Variants in MYO16 observed in about 807,000 individuals in gnomAD.
The protein encoded by MYO16 is myosin XVI, also known as unconventional myosin-XVI.
In MYO16, 94 loss-of-function variants were observed where a neutral mutation model predicts 205.3. That is an observed-to-expected ratio of 0.46 (90% CI 0.39 to 0.54). The LOEUF (loss-of-function observed/expected upper bound fraction) is 0.54. MYO16 is among the 20% of genes least tolerant of loss of function. The probability of loss-of-function intolerance (pLI) is 0.00; values close to 1 mark genes in which losing one functional copy is unlikely to be tolerated. For synonymous variants in MYO16, 988 were observed against 954.0 expected, an observed-to-expected ratio of 1.04 and a Z score of -0.66; for missense variants, 2,315 against 2,387.5, an observed-to-expected ratio of 0.97 and a Z score of 0.63.
intron 23 of MYO16, among the ~76,000 whole-genome samples, chr13:109,022,408 T>TAC (rs1245809782): frequency 3.2e-5 from 4 of 126,838 alleles, no homozygotes; most frequent in Non-Finnish European, 6.2e-5. Flanking sequence ...TATATATGTA[T>TAC]ATATTGTATA....
At chr13:108,549,783 A>G in the MYO16 span, among the ~76,000 whole-genome samples, 270 of 152,348 alleles carry the variant, frequency 1.8e-3, 4 homozygotes, top group South Asian at 9.3e-3. Context: ...ATAAATACCC[A>G]GCTCCTCCTG....
chr13:108,683,967 C>T (rs1882569689), intron 2 of MYO16, among the ~76,000 whole-genome samples: 1 of 152,180 alleles, frequency 6.6e-6, no homozygotes, highest in African/African-American at 2.4e-5. Flanking sequence ...CCTCCGCCTC[C>T]CGGGTTTAAG....
intron 16 of MYO16, among the ~76,000 whole-genome samples, chr13:108,922,026 A>G (rs1399843793): frequency 6.6e-6 from 1 of 152,202 alleles, no homozygotes; most frequent in Non-Finnish European, 1.5e-5. Context: ...TTAGAGGTTT[A>G]TAATACGTGG....
chr13:108,929,333 G>A (rs1353551447), intron 16 of MYO16, among the ~76,000 whole-genome samples: 1 of 152,172 alleles, frequency 6.6e-6, no homozygotes, highest in Admixed American at 6.5e-5. Flanking sequence ...CAATACATAT[G>A]TGGAAAGATG....
At chr13:108,742,371 C>T (rs752243441) in intron 4 of MYO16, among the ~76,000 whole-genome samples, 5 of 152,036 alleles carry the variant, frequency 3.3e-5, no homozygotes, top group Admixed American at 6.6e-5. Flanking sequence ...AATGTTTTGG[C>T]TCCCCCAAAA....
At chr13:109,011,624 C>T (rs1160464424) in intron 22 of MYO16, among the ~76,000 whole-genome samples, 2 of 151,950 alleles carry the variant, frequency 1.3e-5, no homozygotes, top group African/African-American at 2.4e-5. Flanking sequence ...AAGCGATTCT[C>T]CTGCCTCAGC....
intron 16 of MYO16, among the ~76,000 whole-genome samples, chr13:108,955,705 G>C (rs1035248248): frequency 6.6e-6 from 1 of 152,086 alleles, no homozygotes; most frequent in African/African-American, 2.4e-5. Context: ...ACAAAAATTA[G>C]CCGGGCACGG....
chr13:109,033,715 G>T (rs1886619397), intron 23 of MYO16, among the ~76,000 whole-genome samples: 1 of 152,180 alleles, frequency 6.6e-6, no homozygotes, highest in Non-Finnish European at 1.5e-5. Flanking sequence ...ACAGCAGAAA[G>T]TAGCTGCATT....
chr13:108,851,940 C>G (rs897310132), intron 10 of MYO16, among the ~76,000 whole-genome samples: 2 of 152,116 alleles, frequency 1.3e-5, no homozygotes, highest in Non-Finnish European at 2.9e-5. Context: ...CTGCTGCCTC[C>G]TCCCACCTCC....
At chr13:108,752,723 C>A (rs1017312400) in intron 4 of MYO16, among the ~76,000 whole-genome samples, 7 of 149,434 alleles carry the variant, frequency 4.7e-5, no homozygotes, top group Non-Finnish European at 8.9e-5. Context: ...CTCACTGCAA[C>A]CTCTGCCGCC....
At chr13:108,781,560 G>T (rs1886305025) in intron 4 of MYO16, among the ~76,000 whole-genome samples, 1 of 152,158 alleles carries the variant, frequency 6.6e-6, no homozygotes, top group Non-Finnish European at 1.5e-5. Flanking sequence ...TTCTCTCTCT[G>T]GGCATTAGCG....
At position 108,910,213 on chromosome 13, in the gene MYO16, G is replaced by A. The variant is rs910078072; in HGVS notation, c.1925+63G>A. ...TTCAAATTGTGATTGCAATTTGGTA[G>A]TCTTAAATTATCTTCTTACTTTTCA... On this transcript the variant is annotated intron_variant, in intron 16 of 34. Coordinates refer to ENST00000457511, the MANE Select transcript of MYO16 (RefSeq NM_001198950.3). 25 of 1,501,864 alleles carry A rather than the reference G, an allele frequency of 1.7e-5. No homozygotes were observed. In the South Asian group the frequency reaches 2.8e-4, roughly 17 times the overall value. 93.0% of individuals were successfully genotyped at this position (1,501,864 alleles called of 1,614,324 possible). A position where few individuals can be genotyped will look rare whatever the true frequency, so the allele number is the denominator to read the frequency against.
intron 13 of MYO16, among the ~76,000 whole-genome samples, chr13:108,887,127 T>C (rs1458692595): frequency 6.6e-6 from 1 of 152,138 alleles, no homozygotes; most frequent in African/African-American, 2.4e-5. Flanking sequence ...ACGCAAGTAG[T>C]CCTGGAATGG....
upstream of MYO16, among the ~76,000 whole-genome samples, chr13:108,592,515 T>C (rs1878429963): frequency 1.5e-5 from 1 of 68,738 alleles, no homozygotes; most frequent in Admixed American, 1.9e-4. Flanking sequence ...GTGTGGGGGT[T>C]GTATAGGGGA....
At chr13:109,013,636 T>C (rs1200655383) in intron 22 of MYO16, among the ~76,000 whole-genome samples, 1 of 152,222 alleles carries the variant, frequency 6.6e-6, no homozygotes, top group African/African-American at 2.4e-5. Flanking sequence ...TGTTGTTTCC[T>C]GACTTTTTAA....
chr13:108,843,113 G>A (rs914711968), intron 9 of MYO16, among the ~76,000 whole-genome samples: 2 of 151,444 alleles, frequency 1.3e-5, no homozygotes, highest in African/African-American at 4.9e-5. Flanking sequence ...AGCAAGGGAA[G>A]GTGTCAGTCA....
At chr13:108,711,986 A>G (rs1209958265) in intron 2 of MYO16, among the ~76,000 whole-genome samples, 2 of 152,214 alleles carry the variant, frequency 1.3e-5, no homozygotes, top group African/African-American at 4.8e-5. Flanking sequence ...CATTTTAAGT[A>G]GCAGAGAATG....
At chr13:108,619,720 C>A (rs1879473124) in intron 1 of MYO16, among the ~76,000 whole-genome samples, 1 of 152,100 alleles carries the variant, frequency 6.6e-6, no homozygotes, top group African/African-American at 2.4e-5. Flanking sequence ...ATTTTCTACT[C>A]ATTTTACACA....
chr13:109,028,988 T>A (rs2139549669), intron 23 of MYO16, among the ~76,000 whole-genome samples: 1 of 152,212 alleles, frequency 6.6e-6, no homozygotes, highest in East Asian at 1.9e-4. Context: ...ATTGTTTAGA[T>A]TTATGCTGTT....
Sources: allele counts gnomAD v4.1 joint callset (sites outside exome capture counted in the v4.1 genomes callset), GRCh38; gene constraint gnomAD v4.1.1; transcripts MANE v1.5; gene names NCBI Gene and HGNC (gene_info 2026-07-23, HGNC 2026-07-21).